The following PSTPIP2 variants were observed in gnomAD, a reference collection of about 807,000 sequenced individuals.
PSTPIP2 encodes the protein proline-serine-threonine phosphatase interacting protein 2.
PSTPIP2 carries 33 observed loss-of-function variants against 63.3 expected under a neutral mutation model. The observed-to-expected ratio is 0.52, with a 90% confidence interval of 0.40 to 0.70. The LOEUF (loss-of-function observed/expected upper bound fraction) is 0.70, where lower values mean the gene tolerates loss of function less well. Among genes scored for constraint, PSTPIP2 ranks in the 30% least tolerant of loss-of-function variants. The pLI, the probability that PSTPIP2 is intolerant of heterozygous loss-of-function variation, is 0.00. For synonymous variants in PSTPIP2, 125 were observed against 132.7 expected, an observed-to-expected ratio of 0.94 and a Z score of 0.40; for missense variants, 312 against 400.7, an observed-to-expected ratio of 0.78 and a Z score of 1.89.
At chr18:46,044,820 C>A (rs1478607410) in intron 1 of PSTPIP2, among the ~76,000 whole-genome samples, 2 of 152,100 alleles carry the variant, frequency 1.3e-5, no homozygotes, top group Non-Finnish European at 2.9e-5. Flanking sequence ...AAGAAAAAAA[C>A]AAACAACCCC....
intron 1 of PSTPIP2, among the ~76,000 whole-genome samples, chr18:46,056,091 G>A (rs1908745934): frequency 6.6e-6 from 1 of 152,128 alleles, no homozygotes; most frequent in Admixed American, 6.5e-5. Context: ...GCAGAGATGG[G>A]CTCCCCACAG....
chr18:45,990,825 C>G, intron 12 of PSTPIP2, 69 bp from the exon 13 acceptor site: 1 of 1,328,472 alleles, frequency 7.5e-7, no homozygotes, highest in Non-Finnish European at 1.1e-6. Context: ...TTACTTCTTG[C>G]TACAAGCCTA....
intron 14 of PSTPIP2, among the ~76,000 whole-genome samples, chr18:45,987,195 G>A (rs898463723): frequency 6.6e-6 from 1 of 152,320 alleles, no homozygotes. Flanking sequence ...TAGATAGCCA[G>A]TTGGCTATAA....
chr18:46,062,207 C>G (rs984859296), intron 1 of PSTPIP2, among the ~76,000 whole-genome samples: 3 of 152,162 alleles, frequency 2.0e-5, no homozygotes, highest in Admixed American at 6.5e-5. Context: ...AGCCTTCCAG[C>G]CTTGTGCCAC....
chr18:46,034,702 T>A (rs1197437236), intron 2 of PSTPIP2, among the ~76,000 whole-genome samples: 1 of 152,178 alleles, frequency 6.6e-6, no homozygotes, highest in Non-Finnish European at 1.5e-5. Context: ...TTTTCTAGGT[T>A]TGAAACCGTA....
chr18:46,013,302 T>C (rs2051820121), intron 4 of PSTPIP2, among the ~76,000 whole-genome samples: 1 of 152,186 alleles, frequency 6.6e-6, no homozygotes, highest in African/African-American at 2.4e-5. Flanking sequence ...ACACCTTCTA[T>C]GTAAAAGTTA....
At chr18:46,037,093 C>A (rs952495486) in intron 2 of PSTPIP2, among the ~76,000 whole-genome samples, 1 of 152,104 alleles carries the variant, frequency 6.6e-6, no homozygotes, top group African/African-American at 2.4e-5. Context: ...TGTGTGTTTG[C>A]CTCTTGTCTC....
intron 1 of PSTPIP2, among the ~76,000 whole-genome samples, chr18:46,068,926 G>A (rs1909293592): frequency 6.6e-6 from 1 of 152,126 alleles, no homozygotes; most frequent in South Asian, 2.1e-4. Context: ...GCCTTGTGTT[G>A]ACAGCAGGGC....
At position 46,067,337 on chromosome 18, in the gene PSTPIP2, C is replaced by A. The variant is rs568643969; in HGVS notation, c.33+4819G>T. 5.5e-4 allele frequency among the ~76,000 whole-genome samples: 83 copies of A among 151,568 alleles called. 1 individual carries two copies. Among genetic ancestry groups the A allele is most frequent in the Middle Eastern group, 3.4e-3 (1 of 294 alleles). ...CTAACACGGTGAAACCCCGTCTCTA[C>A]TAAAAATACAAAAAAATTAGCCGGG... is the stretch of plus-strand genomic sequence containing the variant. On this transcript the variant is annotated intron_variant, in intron 1 of 14. Coordinates refer to ENST00000409746, the MANE Select transcript of PSTPIP2 (RefSeq NM_024430.4).
At chr18:46,071,963 C>A (rs1807197644) in intron 1 of PSTPIP2, among the ~76,000 whole-genome samples, 193 bp downstream of exon 1, 1 of 152,302 alleles carries the variant, frequency 6.6e-6, no homozygotes, top group African/African-American at 2.4e-5. Flanking sequence ...AGCAGCCCGG[C>A]GTCCGCTCCA....
Position 46,031,656 on chromosome 18 carries a change from T to G in PSTPIP2, c.135-6970A>C, listed in dbSNP as rs559852533. Among the ~76,000 whole-genome samples the G allele has an allele frequency of 1.6e-4, 24 of 152,344 alleles. No homozygotes were observed. In the South Asian group the frequency reaches 5.0e-3, roughly 32 times the overall value. ...AAAAAGATGTTCAGTCCATTTTCAT[T>G]TTTAAAAATATATAATATACAGGCA... On this transcript the variant is annotated intron_variant, in intron 2 of 14. Transcript: ENST00000409746.
intron 2 of PSTPIP2, among the ~76,000 whole-genome samples, chr18:46,028,097 G>C (rs573945218): frequency 1.3e-5 from 2 of 152,230 alleles, no homozygotes; most frequent in Non-Finnish European, 2.9e-5. Flanking sequence ...GGAGGCGGAG[G>C]TTGCAGTGAG....
At chr18:45,998,773 C>T in intron 8 of PSTPIP2, 21 bp downstream of exon 8, 1 of 1,612,352 alleles carries the variant, frequency 6.2e-7, no homozygotes, top group Non-Finnish European at 8.5e-7. Flanking sequence ...CCTCCCCCAT[C>T]CGTAGGAACT....
chr18:46,027,978 T>C (rs941270656), intron 2 of PSTPIP2, among the ~76,000 whole-genome samples: 6 of 152,114 alleles, frequency 3.9e-5, no homozygotes, highest in African/African-American at 9.7e-5. Flanking sequence ...CTGGCCAACA[T>C]GGTGAAACCC....
At chr18:45,991,832 C>G (rs1458054615) in intron 12 of PSTPIP2, 70 bp downstream of exon 12, 1 of 1,409,698 alleles carries the variant, frequency 7.1e-7, no homozygotes, top group East Asian at 2.3e-5. Flanking sequence ...TCTAACATGT[C>G]TTAGAACATT....
intron 1 of PSTPIP2, among the ~76,000 whole-genome samples, chr18:46,060,158 A>G (rs1374624811): frequency 6.6e-6 from 1 of 152,172 alleles, no homozygotes; most frequent in Non-Finnish European, 1.5e-5. Context: ...ATATCTTTAT[A>G]ATATTATTAT....
chr18:46,045,412 C>CA (rs1363281541), intron 1 of PSTPIP2, among the ~76,000 whole-genome samples: 3 of 151,164 alleles, frequency 2.0e-5, no homozygotes, highest in African/African-American at 4.9e-5. Flanking sequence ...ATCGTAAGAA[C>CA]AAAAAACCAA....
At chr18:46,047,604 C>T (rs982199015) in intron 1 of PSTPIP2, among the ~76,000 whole-genome samples, 4 of 152,056 alleles carry the variant, frequency 2.6e-5, no homozygotes, top group East Asian at 1.9e-4. Context: ...GCAGGAGAAT[C>T]GCTTGAACGT....
intron 14 of PSTPIP2, among the ~76,000 whole-genome samples, chr18:45,988,452 A>G (rs2051489989): frequency 6.6e-6 from 1 of 152,030 alleles, no homozygotes; most frequent in African/African-American, 2.4e-5. Flanking sequence ...AAAAGCAGAT[A>G]AAGAGTTACT....
Sources: gnomAD v4.1 joint callset for allele counts (sites outside exome capture counted in the v4.1 genomes callset) on GRCh38, gnomAD v4.1.1 for gene constraint, MANE v1.5 for transcripts, NCBI Gene and HGNC (gene_info 2026-07-23, HGNC 2026-07-21) for gene names.